The following DYNLRB1 variants were observed in gnomAD, a reference collection of about 807,000 sequenced individuals.
The protein encoded by DYNLRB1 is ROBL/LC7-like 1.
Under a neutral mutation model 13.5 loss-of-function variants are expected in DYNLRB1, and 6 were observed. The ratio of observed to expected loss-of-function variants is 0.44; its 90% CI spans 0.24 to 0.88. The LOEUF (loss-of-function observed/expected upper bound fraction) is 0.88, where lower values mean the gene tolerates loss of function less well. Among genes scored for constraint, DYNLRB1 ranks in the 40% least tolerant of loss-of-function variants. The pLI is 0.21. For missense variants in DYNLRB1, 93 were observed against 127.2 expected (o/e 0.73, Z 1.29); for synonymous variants, 43 against 45.0 (o/e 0.96, Z 0.18).
upstream of DYNLRB1, among the ~76,000 whole-genome samples, chr20:34,515,894 T>C (rs936379430): frequency 1.3e-5 from 2 of 151,662 alleles, no homozygotes; most frequent in African/African-American, 4.8e-5. Context: ...CAGCATGGTT[T>C]TTGTTTTGTT....
chr20:34,540,789 C>T lies in DYNLRB1; in HGVS notation c.*165C>T, dbSNP rs1285037452. On this transcript the variant is annotated 3_prime_UTR_variant, in exon 4 of 4. Coordinates refer to ENST00000357156, the MANE Select transcript of DYNLRB1 (RefSeq NM_014183.4). Reference sequence around the variant, plus strand: ...GCTCTTCTCCCCCACCAACGGAACCCCTGTGTGCACCAACCTTCCCCAGAG... The same window carrying T: ...GCTCTTCTCCCCCACCAACGGAACCTCTGTGTGCACCAACCTTCCCCAGAG... 3.1e-6 allele frequency: 2 copies of T among 639,844 alleles called. No homozygotes were observed. Among genetic ancestry groups the T allele is most frequent in the South Asian group, 4.2e-5 (2 of 47,236 alleles). 39.6% of individuals were successfully genotyped at this position (639,844 alleles called of 1,614,324 possible). A position where few individuals can be genotyped will look rare whatever the true frequency, so the allele number is the denominator to read the frequency against.
chr20:34,533,999 G>A (rs1014146701), intron 2 of DYNLRB1, among the ~76,000 whole-genome samples: 3 of 151,648 alleles, frequency 2.0e-5, no homozygotes, highest in African/African-American at 7.3e-5. Flanking sequence ...TAGCTAGCTG[G>A]GTGCTGTGGC....
chr20:34,533,518 T>A (rs1228342623), intron 2 of DYNLRB1: 5 of 985,294 alleles, frequency 5.1e-6, no homozygotes. Context: ...CTCTTCTACT[T>A]TTTAGTGTGT....
At chr20:34,529,462 CT>C (rs1165048565) in intron 2 of DYNLRB1, among the ~76,000 whole-genome samples, 2 of 152,174 alleles carry the variant, frequency 1.3e-5, no homozygotes, top group East Asian at 3.9e-4. Context: ...GGCGTGGTGG[CT>C]CACGCCTGTA....
chr20:34,534,969 C>T lies in DYNLRB1; in HGVS notation c.247+174C>T, dbSNP rs142166527. ...CCAGCCTCCAGCTGGTGTCCCATAG[C>T]AGATCCTCCCAGGGACCGGCCCCAG... On this transcript the variant is annotated intron_variant, in intron 3 of 3. Transcript: ENST00000357156. 17,296 of 1,464,936 alleles carry T rather than the reference C, an allele frequency of 0.012. 154 individuals carry two copies. Among genetic ancestry groups the T allele is most frequent in the Non-Finnish European group, 0.013 (14,178 of 1,111,478 alleles). 90.7% of individuals were successfully genotyped at this position (1,464,936 alleles called of 1,614,324 possible). A position where few individuals can be genotyped will look rare whatever the true frequency, so the allele number is the denominator to read the frequency against.
chr20:34,539,022 G>A (rs940976648), intron 3 of DYNLRB1, among the ~76,000 whole-genome samples: 8 of 152,220 alleles, frequency 5.3e-5, no homozygotes, highest in Admixed American at 1.3e-4. Flanking sequence ...TGGACACAAA[G>A]AAGCCTTGAT....
At chr20:34,532,894 C>T (rs1282289063) in intron 2 of DYNLRB1, among the ~76,000 whole-genome samples, 1 of 152,202 alleles carries the variant, frequency 6.6e-6, no homozygotes, top group Non-Finnish European at 1.5e-5. Context: ...CTGATAACTG[C>T]CTTTGGCCGA....
At chr20:34,540,366 G>A (rs186548148) in intron 3 of DYNLRB1, among the ~76,000 whole-genome samples, 65 of 152,320 alleles carry the variant, frequency 4.3e-4, no homozygotes, top group South Asian at 2.9e-3. Flanking sequence ...CCCGCTGCCC[G>A]GTATGGGGAG....
intron 1 of DYNLRB1, among the ~76,000 whole-genome samples, chr20:34,520,712 G>A (rs1194665091): frequency 6.6e-6 from 1 of 152,232 alleles, no homozygotes; most frequent in Non-Finnish European, 1.5e-5. Flanking sequence ...GCCTCCCAAA[G>A]TGCCAGGATT....
At chr20:34,527,509 T>G (rs1980322760) in intron 2 of DYNLRB1, among the ~76,000 whole-genome samples, 1 of 152,210 alleles carries the variant, frequency 6.6e-6, no homozygotes, top group Non-Finnish European at 1.5e-5. Context: ...GGTTCCCCTG[T>G]TGGGTTGGGA....
chr20:34,516,391 T>C (rs1979164875), upstream of DYNLRB1: 1 of 1,598,228 alleles, frequency 6.3e-7, no homozygotes, highest in Non-Finnish European at 8.5e-7. Flanking sequence ...CAGAAACCTT[T>C]GCGCAGGCGC....
chr20:34,523,431 G>A (rs1740353134), intron 1 of DYNLRB1, among the ~76,000 whole-genome samples: 1 of 152,152 alleles, frequency 6.6e-6, no homozygotes, highest in Non-Finnish European at 1.5e-5. Context: ...CTGTGGTCTG[G>A]TCCCGGATCC....
At chr20:34,521,159 C>T (rs1366652202) in intron 1 of DYNLRB1, among the ~76,000 whole-genome samples, 1 of 152,040 alleles carries the variant, frequency 6.6e-6, no homozygotes, top group South Asian at 2.1e-4. Flanking sequence ...ATTACAGGCC[C>T]ATGCCACCAT....
At chr20:34,540,361 T>C (rs1981482197) in intron 3 of DYNLRB1, among the ~76,000 whole-genome samples, 1 of 152,222 alleles carries the variant, frequency 6.6e-6, no homozygotes, top group African/African-American at 2.4e-5. Context: ...GAGTGCCCGC[T>C]GCCCGGTATG....
intron 1 of DYNLRB1, among the ~76,000 whole-genome samples, chr20:34,519,712 G>A (rs773296720): frequency 6.6e-6 from 1 of 152,116 alleles, no homozygotes; most frequent in Admixed American, 6.6e-5. Context: ...CACTGCTGCA[G>A]TAACTGTTCT....
intron 1 of DYNLRB1, among the ~76,000 whole-genome samples, chr20:34,519,832 T>A (rs1979566094): frequency 6.6e-6 from 1 of 152,190 alleles, no homozygotes; most frequent in Non-Finnish European, 1.5e-5. Flanking sequence ...AGAATAATGA[T>A]ATAAAAATCA....
chr20:34,520,502 A>G (rs1044483835), intron 1 of DYNLRB1, among the ~76,000 whole-genome samples: 3 of 152,174 alleles, frequency 2.0e-5, no homozygotes, highest in Admixed American at 6.5e-5. Flanking sequence ...ACTGGAGTTC[A>G]GTGGCTCAAT....
chr20:34,516,815 G>A (rs1979248582), intron 1 of DYNLRB1: 2 of 1,549,932 alleles, frequency 1.3e-6, no homozygotes, highest in Middle Eastern at 1.7e-4. Context: ...TCAGTTTGTG[G>A]CAGGCTCTGC....
intron 1 of DYNLRB1, chr20:34,516,958 A>T: frequency 7.4e-7 from 1 of 1,342,924 alleles, no homozygotes; most frequent in Non-Finnish European, 9.6e-7. Context: ...GCCCCAGGAA[A>T]TAGTGGAGAT....
Sources: allele counts gnomAD v4.1 joint callset (sites outside exome capture counted in the v4.1 genomes callset), GRCh38; gene constraint gnomAD v4.1.1; transcripts MANE v1.5; gene names NCBI Gene and HGNC (gene_info 2026-07-23, HGNC 2026-07-21).